The following RASA2 variants were observed in gnomAD, a reference collection of about 807,000 sequenced individuals.
The protein encoded by RASA2 is ras GTPase-activating protein 2.
RASA2 carries 155 observed loss-of-function variants against 118.2 expected under a neutral mutation model. The ratio of observed to expected loss-of-function variants is 1.31; its 90% confidence interval spans 1.15 to 1.50. The LOEUF (loss-of-function observed/expected upper bound fraction) is 1.50, where lower values mean the gene tolerates loss of function less well. Ranked by LOEUF, RASA2 falls within the 40% of genes most tolerant of loss-of-function variation. The probability of loss-of-function intolerance (pLI) is 0.00; values close to 1 mark genes in which losing one functional copy is unlikely to be tolerated. For synonymous variants in RASA2, 353 were observed against 349.1 expected (o/e 1.01, Z -0.12); for missense variants, 1,016 against 1,009.6 (o/e 1.01, Z -0.09).
At chr3:141,539,373 C>G (rs941272858) in intron 4 of RASA2, among the ~76,000 whole-genome samples, 1 of 152,172 alleles carries the variant, frequency 6.6e-6, no homozygotes, top group African/African-American at 2.4e-5. Flanking sequence ...AGGCAGACTT[C>G]TGTTTTAAGA....
chr3:141,608,501 A>G lies in RASA2; in HGVS notation c.2029A>G (p.Ile677Val). The change falls in exon 21 of 24, where the codon ATA (isoleucine) becomes GTA (valine). Residue 677 changes from isoleucine (I) to valine (V), a missense_variant. Coordinates refer to ENST00000286364, the MANE Select transcript of RASA2 (RefSeq NM_006506.5). ...ATTGCCTATGAAGATGTTCCAAGTA[A>G]TACATACGGAGAAACCACTCTATGT... Reference protein sequence around the residue: ...SFNKKNMFQVIHTEKPLYVQA... With the variant: ...SFNKKNMFQVVHTEKPLYVQA... The G allele has an allele frequency of 6.2e-7, 1 of 1,613,748 alleles. No homozygotes were observed. Among genetic ancestry groups the G allele is most frequent in the East Asian group, 2.2e-5 (1 of 44,880 alleles).
intron 5 of RASA2, among the ~76,000 whole-genome samples, chr3:141,549,484 C>CGTGTGTGT (rs56036122): frequency 0.016 from 2,252 of 145,276 alleles, 54 homozygotes; most frequent in African/African-American, 0.05. Context: ...TGTGTGTGTG[C>CGTGTGTGT]GTGTGTGTGT....
At chr3:141,591,371 C>T (rs1370457023) in intron 19 of RASA2, among the ~76,000 whole-genome samples, 3 of 152,108 alleles carry the variant, frequency 2.0e-5, no homozygotes, top group Non-Finnish European at 4.4e-5. Context: ...CATTGTAAGC[C>T]TCATATGGCT....
chr3:141,540,670 T>C, intron 5 of RASA2, 61 bp downstream of exon 5: 3 of 1,423,676 alleles, frequency 2.1e-6, no homozygotes, highest in Non-Finnish European at 2.9e-6. Flanking sequence ...ATTCTTTCGA[T>C]TTTAAGCCAA....
chr3:141,581,206 A>G, intron 17 of RASA2, 29 bp downstream of exon 17: 1 of 1,384,614 alleles, frequency 7.2e-7, no homozygotes, highest in African/African-American at 1.5e-5. Context: ...GGAATTGTTA[A>G]TATTTATTTC....
intron 3 of RASA2, among the ~76,000 whole-genome samples, chr3:141,519,898 T>A (rs759027347): frequency 6.6e-6 from 1 of 152,026 alleles, no homozygotes. Context: ...GCTGGAGATA[T>A]GAACAGAATA....
Position 141,586,647 on chromosome 3 carries a change from G to A in RASA2, c.1828G>A (p.Glu610Lys). The change falls in exon 19 of 24, where the codon GAG becomes AAG. Residue 610 changes from glutamate to lysine, a missense_variant and splice_region_variant. Glu to Lys is a moderately conservative substitution (Grantham distance 56, BLOSUM62 1). This residue lies in a region of RASA2 where 896 missense variants were observed against 836.4 expected (regional missense o/e 1.07). Transcript: ENST00000286364. ...TSEPVHLKEG[E>K]MYKRAQGRTR... is the part of the protein sequence containing the mutation. ...TGTTTACATCTGTTATGTTGGCAGT[G>A]AGATGTATAAAAGAGCTCAAGGAAG... is the stretch of plus-strand genomic sequence containing the variant. 6.3e-7 allele frequency: 1 copy of A among 1,593,008 alleles called. No homozygotes were observed.
Position 141,609,858 on chromosome 3 carries a change from A to G in RASA2, c.2330-19A>G, listed in dbSNP as rs373834574. ...AATTTAGTTGTCTGATCAGAGATTT[A>G]TTTTCCTGCTCTTTGTAGAGGCTTG... On this transcript the variant is annotated intron_variant, in intron 22 of 23. Coordinates refer to ENST00000286364, the MANE Select transcript of RASA2 (RefSeq NM_006506.5). The G allele has an allele frequency of 7.9e-6, 12 of 1,518,602 alleles. No homozygotes were observed. The African/African-American group carries it at 1.6e-4, about 20-fold the overall frequency. 94.1% of individuals were successfully genotyped at this position (1,518,602 alleles called of 1,614,324 possible).
intron 3 of RASA2, among the ~76,000 whole-genome samples, chr3:141,517,740 G>A (rs2082049098): frequency 1.3e-5 from 2 of 151,968 alleles, no homozygotes; most frequent in Admixed American, 6.6e-5. Flanking sequence ...TGCAAGCTCC[G>A]CCTCCTGGGT....
chr3:141,517,685 A>G (rs2082048136), intron 3 of RASA2, among the ~76,000 whole-genome samples: 1 of 151,676 alleles, frequency 6.6e-6, no homozygotes, highest in African/African-American at 2.4e-5. Context: ...ACGGAGTGTC[A>G]CTCTGTCGCC....
intron 19 of RASA2, among the ~76,000 whole-genome samples, chr3:141,604,152 A>AT (rs2107797111): frequency 6.6e-6 from 1 of 152,354 alleles, no homozygotes; most frequent in African/African-American, 2.4e-5. Context: ...GGAGGTAATG[A>AT]CAACTTTAAA....
At chr3:141,532,813 A>G (rs9289634) in intron 4 of RASA2, among the ~76,000 whole-genome samples, 38,426 of 152,000 alleles carry the variant, frequency 0.25, 5,450 homozygotes, top group Non-Finnish European at 0.32. Flanking sequence ...TGCAAGTGGC[A>G]CATGGAAACT....
intron 1 of RASA2, among the ~76,000 whole-genome samples, chr3:141,502,769 A>G (rs1324583467): frequency 2.6e-5 from 4 of 152,144 alleles, no homozygotes; most frequent in Admixed American, 1.3e-4. Context: ...AATAATCCTT[A>G]ACTTTGGATC....
intron 5 of RASA2, among the ~76,000 whole-genome samples, chr3:141,542,329 A>G (rs2082416663): frequency 6.6e-6 from 1 of 152,094 alleles, no homozygotes; most frequent in African/African-American, 2.4e-5. Flanking sequence ...AATGCTTTTG[A>G]GATTCATCCA....
At chr3:141,572,081 T>G (rs1311713159) in intron 11 of RASA2, among the ~76,000 whole-genome samples, 1 of 147,492 alleles carries the variant, frequency 6.8e-6, no homozygotes, top group South Asian at 2.1e-4. Flanking sequence ...CACACACATA[T>G]GTATTGAGTT....
At chr3:141,577,862 A>C (rs146794756) in intron 15 of RASA2, among the ~76,000 whole-genome samples, 1 of 152,174 alleles carries the variant, frequency 6.6e-6, no homozygotes, top group African/African-American at 2.4e-5. Flanking sequence ...TTAATTACCA[A>C]AAATCTAAAT....
At chr3:141,542,927 CTG>C (rs1470998916) in intron 5 of RASA2, among the ~76,000 whole-genome samples, 5 of 152,062 alleles carry the variant, frequency 3.3e-5, no homozygotes, top group Admixed American at 6.5e-5. Flanking sequence ...ATCTGAATGA[CTG>C]TGTGTAGTTT....
intron 4 of RASA2, among the ~76,000 whole-genome samples, chr3:141,530,723 T>TA (rs1019957670): frequency 4.3e-4 from 65 of 152,248 alleles, no homozygotes; most frequent in African/African-American, 1.6e-3. Flanking sequence ...ATTAAGTACT[T>TA]ATGCACTAAC....
chr3:141,568,879 A>G (rs982384869), intron 9 of RASA2, among the ~76,000 whole-genome samples: 2 of 152,276 alleles, frequency 1.3e-5, no homozygotes, highest in African/African-American at 4.8e-5. Context: ...ATAAATATTT[A>G]TAAATAAATT....
Sources: allele counts gnomAD v4.1 joint callset (sites outside exome capture counted in the v4.1 genomes callset), GRCh38; gene constraint gnomAD v4.1.1; regional missense constraint gnomAD v4.1.1; transcripts MANE v1.5; gene names NCBI Gene and HGNC (gene_info 2026-07-23, HGNC 2026-07-21).